Variants in SEMA6D observed in about 807,000 individuals in gnomAD.
SEMA6D encodes the protein semaphorin-6D.
In SEMA6D, 35 loss-of-function variants were observed where a neutral mutation model predicts 106.6. The observed-to-expected ratio is 0.33, with a 90% CI of 0.25 to 0.44. The LOEUF (loss-of-function observed/expected upper bound fraction) is 0.44. Ranked by LOEUF, SEMA6D falls within the 20% of genes least tolerant of loss-of-function variation. SEMA6D has a pLI of 1.00. For missense variants in SEMA6D, 1,185 were observed against 1,345.9 expected (o/e 0.88, Z 1.87); for synonymous variants, 499 against 487.7 (o/e 1.02, Z -0.31).
At chr15:47,426,205 A>G (rs760674806) in intron 2 of SEMA6D, among the ~76,000 whole-genome samples, 27 of 151,994 alleles carry the variant, frequency 1.8e-4, no homozygotes, top group Admixed American at 1.6e-3. Flanking sequence ...AGATCTCACT[A>G]TGTTGCCCAG....
At chr15:47,224,756 T>C (rs2031509157) in intron 1 of SEMA6D, among the ~76,000 whole-genome samples, 1 of 152,074 alleles carries the variant, frequency 6.6e-6, no homozygotes, top group African/African-American at 2.4e-5. Flanking sequence ...GTCTGGAACC[T>C]GTTAACATCC....
chr15:47,283,299 C>T (rs1315796504), intron 1 of SEMA6D, among the ~76,000 whole-genome samples: 1 of 152,136 alleles, frequency 6.6e-6, no homozygotes, highest in African/African-American at 2.4e-5. Context: ...TATGTTTTTT[C>T]ACTCGAGCAC....
intron 3 of SEMA6D, among the ~76,000 whole-genome samples, chr15:47,485,758 T>C (rs1000275758): frequency 6.6e-6 from 1 of 152,168 alleles, no homozygotes; most frequent in African/African-American, 2.4e-5. Flanking sequence ...GTCTGTGCCA[T>C]ATTTCATGTA....
chr15:47,409,824 G>A (rs1356775508), intron 1 of SEMA6D, among the ~76,000 whole-genome samples: 1 of 151,928 alleles, frequency 6.6e-6, no homozygotes, highest in Non-Finnish European at 1.5e-5. Flanking sequence ...GGACATGCTG[G>A]GAGTGGGGAA....
Position 47,771,782 on chromosome 15 carries a change from C to A in SEMA6D, c.3219C>A (p.Tyr1073Ter). 1 of 1,611,370 alleles carries A rather than the reference C, an allele frequency of 6.2e-7. No homozygotes were observed. The highest frequency in any genetic ancestry group is 8.5e-7 in the Non-Finnish European group (1 of 1,178,566). The change falls in exon 19 of 19, where the codon TAC becomes TAA. Residue 1073 changes from tyrosine (Y) to a stop codon, truncating the protein, a stop_gained. Transcript: ENST00000536845. LOFTEE classifies it high-confidence loss of function. ...TCAGACCACTGAACAAATACACATACTAGGCCTCAAGTGTGCTATTCCCAT... is the reference window on the plus strand; with the variant it reads ...TCAGACCACTGAACAAATACACATAATAGGCCTCAAGTGTGCTATTCCCAT... ...PSVRPLNKYT[Y>*]
At chr15:47,414,383 T>A (rs2040894606) in intron 2 of SEMA6D, among the ~76,000 whole-genome samples, 1 of 152,142 alleles carries the variant, frequency 6.6e-6, no homozygotes, top group African/African-American at 2.4e-5. Flanking sequence ...AAATCTTAGA[T>A]GTCAGAAGGG....
intron 2 of SEMA6D, among the ~76,000 whole-genome samples, chr15:47,439,667 G>A (rs988991028): frequency 4.6e-5 from 7 of 152,142 alleles, no homozygotes; most frequent in African/African-American, 1.4e-4. Flanking sequence ...TATTGACTAA[G>A]TGCTGATGCT....
chr15:47,418,757 A>G (rs943668527), intron 2 of SEMA6D, among the ~76,000 whole-genome samples: 4 of 152,056 alleles, frequency 2.6e-5, no homozygotes, highest in Non-Finnish European at 4.4e-5. Context: ...TCAGCAAGAG[A>G]GGATAGGGTC....
At chr15:47,282,066 A>T (rs116089742) in intron 1 of SEMA6D, among the ~76,000 whole-genome samples, 1 of 152,298 alleles carries the variant, frequency 6.6e-6, no homozygotes, top group Non-Finnish European at 1.5e-5. Context: ...ACTGTAAATT[A>T]TGTGATAATA....
intron 2 of SEMA6D, among the ~76,000 whole-genome samples, chr15:47,463,137 C>A (rs1227701634): frequency 3.3e-5 from 5 of 152,112 alleles, no homozygotes; most frequent in African/African-American, 9.7e-5. Context: ...ACAAAAACAA[C>A]CAGGATCTAA....
chr15:47,464,136 T>C (rs1358531644), intron 2 of SEMA6D, among the ~76,000 whole-genome samples: 3 of 152,140 alleles, frequency 2.0e-5, no homozygotes, highest in Non-Finnish European at 4.4e-5. Context: ...GACATATCTT[T>C]TGGGGGGCTG....
chr15:47,568,862 C>T (rs928112719), intron 3 of SEMA6D, among the ~76,000 whole-genome samples: 11 of 151,914 alleles, frequency 7.2e-5, no homozygotes, highest in African/African-American at 2.4e-4. Context: ...AACTATAGAG[C>T]AGTATGTTAT....
chr15:47,368,114 C>G (rs556701962), intron 1 of SEMA6D, among the ~76,000 whole-genome samples: 11 of 152,122 alleles, frequency 7.2e-5, no homozygotes, highest in Non-Finnish European at 1.5e-4. Context: ...ATTTAGCTAC[C>G]AGTATGCAAC....
chr15:47,575,676 G>A lies in SEMA6D; in HGVS notation c.-86-25189G>A, dbSNP rs186910637. ...GGAGGTTGCAGTGAGCTGAGATTGC[G>A]CCACTGCACTCCAGCCTGGGTAACA... On this transcript the variant is annotated intron_variant, in intron 3 of 19. Coordinates refer to the SEMA6D transcript ENST00000558014. Among the ~76,000 whole-genome samples, 380 of 152,086 alleles carry A rather than the reference G, an allele frequency of 2.5e-3. 1 individual carries two copies. Among genetic ancestry groups the A allele is most frequent in the Middle Eastern group, 6.8e-3 (2 of 294 alleles).
At chr15:47,473,970 G>A (rs1289761327) in intron 3 of SEMA6D, among the ~76,000 whole-genome samples, 1 of 152,138 alleles carries the variant, frequency 6.6e-6, no homozygotes, top group Non-Finnish European at 1.5e-5. Flanking sequence ...GAAAGGCTGT[G>A]CCTTTCCCAG....
chr15:47,726,388 G>A (rs2079753918), intron 1 of SEMA6D, among the ~76,000 whole-genome samples: 1 of 152,240 alleles, frequency 6.6e-6, no homozygotes, highest in African/African-American at 2.4e-5. Context: ...AGCATTCTTT[G>A]ACGTGAGTAA....
chr15:47,649,079 T>C (rs1357345495), intron 4 of SEMA6D, among the ~76,000 whole-genome samples: 2 of 152,166 alleles, frequency 1.3e-5, no homozygotes, highest in East Asian at 3.9e-4. Flanking sequence ...TAATATGTAA[T>C]ATTGAAGTCA....
intron 4 of SEMA6D, among the ~76,000 whole-genome samples, chr15:47,684,448 T>G (rs932962695): frequency 1.3e-5 from 2 of 152,048 alleles, no homozygotes; most frequent in African/African-American, 4.8e-5. Flanking sequence ...ATTTTATCTT[T>G]TAAAAAGGTT....
intron 1 of SEMA6D, among the ~76,000 whole-genome samples, chr15:47,228,137 T>TACACAC (rs72361942): frequency 0.036 from 4,878 of 135,036 alleles, 140 homozygotes; most frequent in South Asian, 0.12. Context: ...TGTGTGTGTG[T>TACACAC]ACACACACAC....
Sources: allele counts gnomAD v4.1 joint callset (sites outside exome capture counted in the v4.1 genomes callset), GRCh38; gene constraint gnomAD v4.1.1; transcripts MANE v1.5; gene names NCBI Gene and HGNC (gene_info 2026-07-23, HGNC 2026-07-21).